The following TMOD1 variants were observed in gnomAD, a reference collection of about 807,000 sequenced individuals.
TMOD1 encodes the protein tropomodulin-1.
Under a neutral mutation model 40.6 loss-of-function variants are expected in TMOD1, and 17 were observed. The observed-to-expected ratio is 0.42, with a 90% CI of 0.29 to 0.63. TMOD1 has a LOEUF of 0.63. Ranked by LOEUF, TMOD1 falls within the 20% of genes least tolerant of loss-of-function variation. The pLI is 0.22. For synonymous variants in TMOD1, 181 were observed against 175.0 expected (o/e 1.03, Z -0.27); for missense variants, 391 against 447.6 (o/e 0.87, Z 1.14).
intron 4 of TMOD1, chr9:97,555,310 A>G: frequency 9.1e-7 from 1 of 1,093,964 alleles, no homozygotes; most frequent in Non-Finnish European, 1.1e-6. Flanking sequence ...TTGGTGCGGC[A>G]TCTCCACATG....
At chr9:97,599,180 A>T (rs138733398) in intron 9 of TMOD1, among the ~76,000 whole-genome samples, 311 of 147,340 alleles carry the variant, frequency 2.1e-3, no homozygotes, top group Non-Finnish European at 3.7e-3. Context: ...ACTGCAGGGT[A>T]ATCTTTCGGG....
chr9:97,505,766 A>G (rs921175739), intron 1 of TMOD1, among the ~76,000 whole-genome samples: 6 of 152,004 alleles, frequency 3.9e-5, no homozygotes, highest in Admixed American at 1.3e-4. Context: ...AAGTCCTGTC[A>G]ATGCTACCTT....
chr9:97,538,138 A>C (rs7848013), intron 2 of TMOD1, among the ~76,000 whole-genome samples: 125,835 of 152,126 alleles, frequency 0.83, 52,649 homozygotes, highest in African/African-American at 0.95. Flanking sequence ...CCAGTCCCCA[A>C]CACTCCCACG....
intron 8 of TMOD1, among the ~76,000 whole-genome samples, chr9:97,570,482 A>G (rs1357953972): frequency 1.3e-5 from 2 of 151,768 alleles, no homozygotes; most frequent in African/African-American, 4.8e-5. Flanking sequence ...GGGAGTATTT[A>G]CACTATGGAA....
chr9:97,562,158 T>C (rs781155152), intron 4 of TMOD1, among the ~76,000 whole-genome samples: 3 of 152,196 alleles, frequency 2.0e-5, no homozygotes, highest in Non-Finnish European at 4.4e-5. Context: ...TAAGATCAGG[T>C]TGGCATTTCC....
At chr9:97,534,875 C>T (rs547843795) in intron 2 of TMOD1, among the ~76,000 whole-genome samples, 1 of 152,236 alleles carries the variant, frequency 6.6e-6, no homozygotes, top group East Asian at 1.9e-4. Flanking sequence ...GAACAGGGTG[C>T]CCAAGGGAAG....
In TMOD1 at chr9:97,546,228, C is replaced by T. The variant is rs758187794; in HGVS notation, c.164C>T (p.Thr55Ile). 2 of 1,613,964 alleles carry T rather than the reference C, an allele frequency of 1.2e-6. No homozygotes were observed. The highest frequency in any genetic ancestry group is 1.1e-5 in the South Asian group (1 of 91,060). The change falls in exon 3 of 10, where the codon ACC (threonine) becomes ATC (isoleucine). Residue 55 changes from threonine (T) to isoleucine (I), a missense_variant. Physicochemically the swap from Thr to Ile is moderately conservative, Grantham distance 89. Coordinates refer to ENST00000259365, the MANE Select transcript of TMOD1 (RefSeq NM_003275.4). Reference protein sequence around the residue: ...PAGLRQKDQTTKAPTGPFKRE... With the variant: ...PAGLRQKDQTIKAPTGPFKRE... ...GGCCTGAGGCAGAAGGATCAGACCA[C>T]CAAGGCGCCCACGGGCCCCTTTAAA...
chr9:97,557,074 C>T lies in TMOD1; in HGVS notation c.397+3674C>T, dbSNP rs1830548082. 6.6e-6 allele frequency among the ~76,000 whole-genome samples: 1 copy of T among 152,168 alleles called. No individual in the cohort carries two copies. Among genetic ancestry groups the T allele is most frequent in the Non-Finnish European group, 1.5e-5 (1 of 68,016 alleles). On this transcript the variant is annotated intron_variant, in intron 4 of 9. Transcript: ENST00000259365. This position sits in a 1 kb window ranked among gnomAD's most constrained non-coding sequence, Gnocchi z 4.4. Reference sequence around the variant, plus strand: ...CACATTATTGAACTCCTACTGTATACTAGGATGAACAGGAGCCAGTCCTTG... The same window carrying T: ...CACATTATTGAACTCCTACTGTATATTAGGATGAACAGGAGCCAGTCCTTG...
chr9:97,570,094 A>G (rs2149985), intron 8 of TMOD1, among the ~76,000 whole-genome samples: 2,056 of 152,322 alleles, frequency 0.013, 90 homozygotes, highest in East Asian at 0.12. Flanking sequence ...TTTTATTGTA[A>G]AACATGGCAA....
At chr9:97,590,996 A>C (rs1289964427) in intron 8 of TMOD1, among the ~76,000 whole-genome samples, 1 of 152,190 alleles carries the variant, frequency 6.6e-6, no homozygotes, top group Non-Finnish European at 1.5e-5. Context: ...CCTCCTTCAA[A>C]TACTCTTCTG....
Position 97,568,881 on chromosome 9 carries a change from CT to C in TMOD1, c.727-11del. ...TGACTCATGGGTATCCTTGCTTTCT[CT>C]TGTGCTTCAAGGCCCTTGCTGAGAT... On this transcript the variant is annotated splice_polypyrimidine_tract_variant and intron_variant, in intron 7 of 9. Coordinates refer to ENST00000259365, the MANE Select transcript of TMOD1 (RefSeq NM_003275.4). 1.2e-6 allele frequency: 2 copies of C among 1,613,210 alleles called. No homozygotes were observed. The highest frequency in any genetic ancestry group is 1.7e-6 in the Non-Finnish European group (2 of 1,179,268).
chr9:97,577,316 C>T (rs1050903012), intron 8 of TMOD1, among the ~76,000 whole-genome samples: 1 of 152,132 alleles, frequency 6.6e-6, no homozygotes, highest in Non-Finnish European at 1.5e-5. Context: ...TGTAGTTCCT[C>T]TCGTCAGTCC....
intron 8 of TMOD1, among the ~76,000 whole-genome samples, chr9:97,578,342 C>T (rs577420594): frequency 2.6e-5 from 4 of 152,158 alleles, no homozygotes; most frequent in Admixed American, 6.5e-5. Context: ...CGTGAGCCAC[C>T]GTGCCCGGCC....
chr9:97,540,873 A>G lies in TMOD1; in HGVS notation c.121-5312A>G, dbSNP rs184399461. Among the ~76,000 whole-genome samples, 290 of 152,324 alleles carry G rather than the reference A, an allele frequency of 1.9e-3. 3 individuals are homozygous for G. Among genetic ancestry groups the G allele is most frequent in the Middle Eastern group, 0.014 (4 of 294 alleles). ...ATTTGGGTGGACATACATCTGCTGC[A>G]TCATATGGTAACTTTATGTTTAACT... On this transcript the variant is annotated intron_variant, in intron 2 of 9. Coordinates refer to ENST00000259365, the MANE Select transcript of TMOD1 (RefSeq NM_003275.4).
rs1267101994 is a variant in TMOD1, at chr9:97,565,853, C to G, written c.624C>G (p.Ile208Met). 1 of 1,613,708 alleles carries G rather than the reference C, an allele frequency of 6.2e-7. No homozygotes were observed. The highest frequency in any genetic ancestry group is 1.3e-5 in the African/African-American group (1 of 75,010). ...TGTTGCCTTTCTTTGTGCAGAATAT[C>G]CCCATCCCCACCCTCAAGGCATATG... Reference protein sequence around the residue: ...EEVNLNNIRNIPIPTLKAYAE... With the variant: ...EEVNLNNIRNMPIPTLKAYAE... Residue 208 changes from isoleucine to methionine, a missense_variant, in exon 7 of 10, where the codon ATC (isoleucine) becomes ATG (methionine). Transcript: ENST00000259365.
At chr9:97,579,723 C>T (rs1054539608) in intron 8 of TMOD1, among the ~76,000 whole-genome samples, 4 of 152,202 alleles carry the variant, frequency 2.6e-5, no homozygotes, top group South Asian at 2.1e-4. Flanking sequence ...TGGACAATAC[C>T]GTTCTAATTG....
intron 2 of TMOD1, among the ~76,000 whole-genome samples, chr9:97,541,264 T>A (rs1345343388): frequency 6.6e-6 from 1 of 152,228 alleles, no homozygotes; most frequent in Non-Finnish European, 1.5e-5. Flanking sequence ...CTCAGCTCAC[T>A]GCAATCTCTG....
intron 1 of TMOD1, among the ~76,000 whole-genome samples, chr9:97,505,535 T>C (rs1829577760): frequency 6.6e-6 from 1 of 152,204 alleles, no homozygotes; most frequent in African/African-American, 2.4e-5. Context: ...GCCTCCTTCA[T>C]AGACTCATCG....
intron 4 of TMOD1, among the ~76,000 whole-genome samples, chr9:97,556,617 C>T (rs921687108): frequency 6.6e-6 from 1 of 152,202 alleles, no homozygotes; most frequent in African/African-American, 2.4e-5. Context: ...CATTTAGTCT[C>T]TGGACTAGGC....
Sources: allele counts gnomAD v4.1 joint callset (sites outside exome capture counted in the v4.1 genomes callset), GRCh38; gene constraint gnomAD v4.1.1; non-coding constraint Gnocchi (gnomAD v3.1); transcripts MANE v1.5; gene names NCBI Gene and HGNC (gene_info 2026-07-23, HGNC 2026-07-21).